The following CHD9 variants were observed in gnomAD, a reference collection of about 807,000 sequenced individuals.
CHD9 encodes the protein ATP-dependent chromatin remodeler CHD9.
In CHD9, 77 loss-of-function variants were observed where a neutral mutation model predicts 316.1. The observed-to-expected ratio is 0.24, with a 90% CI of 0.20 to 0.29. The LOEUF is 0.29. Ranked by LOEUF, CHD9 falls within the 10% of genes least tolerant of loss-of-function variation. The pLI is 1.00. For synonymous variants in CHD9, 1,129 were observed against 1,158.3 expected (o/e 0.97, Z 0.51); for missense variants, 2,763 against 3,438.1 (o/e 0.80, Z 4.91).
intron 24 of CHD9, among the ~76,000 whole-genome samples, chr16:53,280,562 T>G (rs2053311141): frequency 6.6e-6 from 1 of 151,752 alleles, no homozygotes; most frequent in African/African-American, 2.4e-5. Context: ...GACTACAAAT[T>G]GGGTGCGGTG....
intron 1 of CHD9, among the ~76,000 whole-genome samples, chr16:53,078,539 G>GTAAAT (rs1279933445): frequency 3.9e-5 from 6 of 152,132 alleles, no homozygotes; most frequent in Admixed American, 1.3e-4. Context: ...TTACTAGTCT[G>GTAAAT]TAGTATTCTG....
At chr16:53,294,223 G>A (rs143760634) in intron 29 of CHD9, among the ~76,000 whole-genome samples, 1 of 152,092 alleles carries the variant, frequency 6.6e-6, no homozygotes, top group East Asian at 1.9e-4. Context: ...GCTATCTTTG[G>A]CATAACCTGA....
At chr16:53,257,205 A>G (rs2050688191) in intron 19 of CHD9, among the ~76,000 whole-genome samples, 1 of 152,198 alleles carries the variant, frequency 6.6e-6, no homozygotes, top group African/African-American at 2.4e-5. Flanking sequence ...GGAATGTGAC[A>G]TAGGCATGTA....
At chr16:53,214,723 C>G (rs2046600621) in intron 3 of CHD9, among the ~76,000 whole-genome samples, 1 of 151,946 alleles carries the variant, frequency 6.6e-6, no homozygotes. Context: ...ATGAATCATG[C>G]TAGTAAGGTT....
intron 30 of CHD9, among the ~76,000 whole-genome samples, chr16:53,302,669 G>C (rs2055552986): frequency 6.6e-6 from 1 of 152,098 alleles, no homozygotes; most frequent in Non-Finnish European, 1.5e-5. Flanking sequence ...AAGAAAGGAT[G>C]TTTCATTCTC....
chr16:53,324,669 A>G lies in CHD9; in HGVS notation c.8468A>G (p.Asn2823Ser), dbSNP rs776099426. ...NLHIPTLSQS[N>S]TFDVQNKNSD... ...CATATTCCAACTTTGTCCCAGTCCA[A>G]TACTTTTGATGTACAAAACAAAAAC... Residue 2823 changes from asparagine (N) to serine (S), a missense_variant, in exon 39 of 39, where the codon AAT becomes AGT. Asn to Ser is a conservative substitution (Grantham distance 46). Around this residue, in one of 15 missense-constraint regions of CHD9, gnomAD observed 298 missense variants for 380.2 expected, o/e 0.78. Coordinates refer to ENST00000447540, the MANE Select transcript of CHD9 (RefSeq NM_001308319.2). The G allele has an allele frequency of 1.1e-5, 18 of 1,613,720 alleles. No individual in the cohort carries two copies. The highest frequency in any genetic ancestry group is 1.3e-5 in the African/African-American group (1 of 75,066).
intron 2 of CHD9, among the ~76,000 whole-genome samples, chr16:53,201,680 A>T (rs2045467608): frequency 6.6e-6 from 1 of 152,160 alleles, no homozygotes; most frequent in African/African-American, 2.4e-5. Context: ...CCAGCCACCA[A>T]CAGCTGTCAA....
chr16:53,320,618 T>C (rs1300595236), intron 37 of CHD9, among the ~76,000 whole-genome samples: 1 of 152,210 alleles, frequency 6.6e-6, no homozygotes, highest in Non-Finnish European at 1.5e-5. Flanking sequence ...CAAAGTGGTA[T>C]AGAAGAAGAA....
At chr16:53,143,358 T>TTTTATTTATTTATTTATTTATTTA (rs55793321) in intron 1 of CHD9, among the ~76,000 whole-genome samples, 1 of 137,982 alleles carries the variant, frequency 7.2e-6, no homozygotes, top group African/African-American at 2.7e-5. Flanking sequence ...TTTTATCTTA[T>TTTTATTTATTTATTTATTTATTTA]TTTATTTATT....
At position 53,156,389 on chromosome 16, in the gene CHD9, T is replaced by TA; in HGVS notation, c.302dup (p.Asn101LysfsTer54). On this transcript the variant is annotated frameshift_variant, in exon 2 of 39. Transcript: ENST00000447540. LOFTEE classifies it high-confidence loss of function. ...ATGTGTTATCTCCACACTCTCAGTT[T>TA]AATTGTTCTCCAATCCATCCCCAAA... is the stretch of plus-strand genomic sequence containing the variant. The TA allele has an allele frequency of 6.2e-7, 1 of 1,614,052 alleles. No individual in the cohort carries two copies. Among genetic ancestry groups the TA allele is most frequent in the Non-Finnish European group, 8.5e-7 (1 of 1,179,896 alleles).
intron 1 of CHD9, among the ~76,000 whole-genome samples, chr16:53,062,836 G>A (rs1192049900): frequency 6.6e-6 from 1 of 152,120 alleles, no homozygotes; most frequent in Non-Finnish European, 1.5e-5. Context: ...ATTGAAACCA[G>A]CCTGACCAAC....
intron 1 of CHD9, among the ~76,000 whole-genome samples, chr16:53,104,986 T>TAA (rs138856068): frequency 7.6e-6 from 1 of 132,378 alleles, no homozygotes. Context: ...ACTGGCTAAT[T>TAA]AAAAAAAAAC....
At chr16:53,064,117 A>G (rs1243140438) in intron 1 of CHD9, among the ~76,000 whole-genome samples, 1 of 152,108 alleles carries the variant, frequency 6.6e-6, no homozygotes, top group Non-Finnish European at 1.5e-5. Flanking sequence ...TACAGGCATG[A>G]GCCACCATAT....
chr16:53,269,441 G>A (rs1372488809), intron 22 of CHD9, among the ~76,000 whole-genome samples: 2 of 152,168 alleles, frequency 1.3e-5, no homozygotes, highest in Admixed American at 6.5e-5. Context: ...TAACCAGGTA[G>A]ACAGACATAG....
At chr16:53,262,282 T>C (rs2051213741) in intron 19 of CHD9, among the ~76,000 whole-genome samples, 1 of 152,200 alleles carries the variant, frequency 6.6e-6, no homozygotes, top group African/African-American at 2.4e-5. Flanking sequence ...AAATTGTAAA[T>C]AATGGTTATT....
chr16:53,245,211 T>A lies in CHD9; in HGVS notation c.3055-125T>A. 1.6e-6 allele frequency: 1 copy of A among 626,524 alleles called. No individual in the cohort carries two copies. Among genetic ancestry groups the A allele is most frequent in the Non-Finnish European group, 2.5e-6 (1 of 399,046 alleles). 38.8% of individuals were successfully genotyped at this position (626,524 alleles called of 1,614,324 possible). ...ATATATATATACACACACACACACA[T>A]AACATATATATATGTATATATAGTC... On this transcript the variant is annotated intron_variant, in intron 13 of 38. Transcript: ENST00000447540. The surrounding 1 kb of genome is among the most constrained non-coding windows in gnomAD (Gnocchi z 4.1).
chr16:53,177,753 G>A (rs12596062), intron 2 of CHD9, among the ~76,000 whole-genome samples: 42,332 of 152,046 alleles, frequency 0.28, 5,989 homozygotes, highest in Middle Eastern at 0.32. Context: ...TCAAAATCAA[G>A]CCAGTAAACT....
chr16:53,120,963 G>A (rs1166852044), intron 1 of CHD9, among the ~76,000 whole-genome samples: 1 of 150,770 alleles, frequency 6.6e-6, no homozygotes, highest in Non-Finnish European at 1.5e-5. Flanking sequence ...CCAAGATCGT[G>A]CCACTGCACT....
intron 24 of CHD9, among the ~76,000 whole-genome samples, chr16:53,275,620 A>G (rs1027871064): frequency 2.0e-5 from 3 of 152,036 alleles, no homozygotes; most frequent in Non-Finnish European, 4.4e-5. Flanking sequence ...TTTCTTCTCC[A>G]TTCTCTAATT....
Sources: allele counts gnomAD v4.1 joint callset (sites outside exome capture counted in the v4.1 genomes callset), GRCh38; gene constraint gnomAD v4.1.1; regional missense constraint gnomAD v4.1.1; non-coding constraint Gnocchi (gnomAD v3.1); transcripts MANE v1.5; gene names NCBI Gene and HGNC (gene_info 2026-07-23, HGNC 2026-07-21).